Variants in SNTG1 observed in about 807,000 individuals in gnomAD.
SNTG1 encodes the protein gamma-1-syntrophin.
In SNTG1, 39 loss-of-function variants were observed where a neutral mutation model predicts 74.7. The observed-to-expected ratio is 0.52, with a 90% confidence interval of 0.40 to 0.68. The LOEUF is 0.68. SNTG1 is among the 30% of genes least tolerant of loss of function. SNTG1 has a pLI of 0.00. For missense variants in SNTG1, 685 were observed against 609.5 expected, an observed-to-expected ratio of 1.12 and a Z score of -1.30; for synonymous variants, 254 against 217.1, an observed-to-expected ratio of 1.17 and a Z score of -1.49.
intron 15 of SNTG1, among the ~76,000 whole-genome samples, chr8:50,670,914 A>G (rs1358053798): frequency 1.3e-5 from 2 of 151,714 alleles, no homozygotes; most frequent in African/African-American, 4.9e-5. Flanking sequence ...CTGATCTTTG[A>G]CAAACCTGAG....
intron 8 of SNTG1, among the ~76,000 whole-genome samples, chr8:50,481,729 C>A (rs947914042): frequency 4.4e-4 from 67 of 152,148 alleles, no homozygotes; most frequent in African/African-American, 1.5e-3. Context: ...AAGTTATGTA[C>A]TTCTACTTAT....
intron 13 of SNTG1, among the ~76,000 whole-genome samples, chr8:50,617,192 T>C (rs75271803): frequency 0.042 from 6,466 of 152,228 alleles, 241 homozygotes; most frequent in African/African-American, 0.093. Context: ...TCCTTTATTG[T>C]TTACTTGACC....
At chr8:50,104,161 G>A (rs943518728) in intron 1 of SNTG1, among the ~76,000 whole-genome samples, 2 of 152,144 alleles carry the variant, frequency 1.3e-5, no homozygotes, top group African/African-American at 4.8e-5. Context: ...TGTACCTCTG[G>A]TAGAATTCAG....
intron 4 of SNTG1, among the ~76,000 whole-genome samples, chr8:50,421,512 A>G (rs550418823): frequency 2.0e-5 from 3 of 152,104 alleles, no homozygotes; most frequent in Admixed American, 6.6e-5. Context: ...TTTTTATTGC[A>G]ACCTATTCCA....
intron 2 of SNTG1, among the ~76,000 whole-genome samples, chr8:50,385,058 C>T (rs1040233040): frequency 6.6e-6 from 1 of 152,176 alleles, no homozygotes; most frequent in Non-Finnish European, 1.5e-5. Flanking sequence ...ATTCTGAGGA[C>T]TTGTCCTGTG....
In SNTG1 at chr8:50,704,728, C is replaced by A. The variant is rs377237444; in HGVS notation, c.1167C>A (p.Thr389=). 1.9e-6 allele frequency: 3 copies of A among 1,614,104 alleles called. No homozygotes were observed. Among genetic ancestry groups the A allele is most frequent in the Middle Eastern group, 1.6e-4 (1 of 6,062 alleles). ...AQWERAFQTA[T]FLEVERIQCK... Reference sequence around the variant, plus strand: ...GGGAAAGAGCCTTCCAGACAGCAACCTTTCTAGAAGTAGAACGGATACAGG... The same window carrying A: ...GGGAAAGAGCCTTCCAGACAGCAACATTTCTAGAAGTAGAACGGATACAGG... The change falls in exon 16 of 19, where the codon ACC becomes ACA. Residue 389 remains threonine, a synonymous_variant. Coordinates refer to ENST00000642720, the MANE Select transcript of SNTG1 (RefSeq NM_018967.5).
intron 12 of SNTG1, among the ~76,000 whole-genome samples, chr8:50,587,008 T>C (rs2130853188): frequency 6.6e-6 from 1 of 152,218 alleles, no homozygotes; most frequent in African/African-American, 2.4e-5. Flanking sequence ...TAACTGTCAG[T>C]ATCATTGTCA....
chr8:50,318,252 C>A (rs12541772), intron 2 of SNTG1, among the ~76,000 whole-genome samples: 83,373 of 152,028 alleles, frequency 0.55, 24,731 homozygotes, highest in East Asian at 0.84. Flanking sequence ...AACATGTGCA[C>A]GGCAATCTAC....
intron 10 of SNTG1, 90 bp from the exon 11 acceptor site, chr8:50,536,588 A>T: frequency 6.8e-7 from 1 of 1,461,280 alleles, no homozygotes; most frequent in Non-Finnish European, 9.2e-7. Flanking sequence ...TTAGGGGAAA[A>T]ATAATATCCC....
intron 2 of SNTG1, among the ~76,000 whole-genome samples, chr8:50,316,274 T>G (rs2090316089): frequency 6.6e-6 from 1 of 152,168 alleles, no homozygotes; most frequent in Non-Finnish European, 1.5e-5. Flanking sequence ...AAAAAAAGTT[T>G]CAGTTTGATC....
intron 2 of SNTG1, among the ~76,000 whole-genome samples, chr8:50,180,666 C>T (rs2083168877): frequency 6.6e-6 from 1 of 151,866 alleles, no homozygotes; most frequent in African/African-American, 2.4e-5. Flanking sequence ...TTTAGGTGGC[C>T]CATCCTAATT....
intron 1 of SNTG1, among the ~76,000 whole-genome samples, chr8:50,112,719 C>T (rs576432491): frequency 3.2e-4 from 48 of 151,746 alleles, no homozygotes; most frequent in Non-Finnish European, 5.3e-4. Context: ...GATGGGGTTT[C>T]GCCATGTTGG....
chr8:50,681,098 T>A (rs2095329043), intron 15 of SNTG1, among the ~76,000 whole-genome samples: 1 of 152,176 alleles, frequency 6.6e-6, no homozygotes, highest in Non-Finnish European at 1.5e-5. Flanking sequence ...GATCTGATAA[T>A]TTTTGAACTA....
intron 1 of SNTG1, among the ~76,000 whole-genome samples, chr8:50,027,175 A>T (rs1421599613): frequency 1.3e-5 from 2 of 152,098 alleles, no homozygotes; most frequent in Admixed American, 1.3e-4. Flanking sequence ...TTGATGGTCA[A>T]AGGGGGAATT....
chr8:49,950,442 T>G (rs1283781768), intron 1 of SNTG1, among the ~76,000 whole-genome samples: 1 of 152,314 alleles, frequency 6.6e-6, no homozygotes, highest in South Asian at 2.1e-4. Context: ...ATTTATGCTA[T>G]TTTTAAAATT....
At chr8:50,658,488 A>G in intron 14 of SNTG1, 104 bp from the exon 15 acceptor site, 1 of 707,578 alleles carries the variant, frequency 1.4e-6, no homozygotes, top group Non-Finnish European at 2.3e-6. Context: ...GACTAGATAC[A>G]TCTGTGAAAG....
intron 4 of SNTG1, among the ~76,000 whole-genome samples, chr8:50,424,306 A>G (rs2093134762): frequency 6.6e-6 from 1 of 152,148 alleles, no homozygotes; most frequent in South Asian, 2.1e-4. Flanking sequence ...GACAAAACAA[A>G]CAAACAAACA....
intron 12 of SNTG1, among the ~76,000 whole-genome samples, chr8:50,579,907 T>A (rs900540630): frequency 2.0e-5 from 3 of 152,180 alleles, no homozygotes; most frequent in Non-Finnish European, 1.5e-5. Flanking sequence ...GGGTAGGCAC[T>A]GCCCAGTGGA....
At chr8:50,655,496 C>A (rs1412174450) in intron 13 of SNTG1, among the ~76,000 whole-genome samples, 1 of 152,086 alleles carries the variant, frequency 6.6e-6, no homozygotes, top group Non-Finnish European at 1.5e-5. Flanking sequence ...ATTAAAAGAG[C>A]AAGGCATCTT....
Sources: gnomAD v4.1 joint callset for allele counts (sites outside exome capture counted in the v4.1 genomes callset) on GRCh38, gnomAD v4.1.1 for gene constraint, MANE v1.5 for transcripts, NCBI Gene and HGNC (gene_info 2026-07-23, HGNC 2026-07-21) for gene names.